Variants in PID1 observed in about 807,000 individuals in gnomAD.
PID1 encodes PTB-containing, cubilin and LRP1-interacting protein.
A neutral mutation model predicts 19.1 loss-of-function variants in PID1; 10 were observed. The observed-to-expected ratio is 0.52, with a 90% CI of 0.32 to 0.89. PID1 has a LOEUF of 0.89. PID1 is among the 40% of genes least tolerant of loss of function. PID1 has a pLI of 0.03. For missense variants in PID1, 248 were observed against 285.3 expected (o/e 0.87, Z 0.94); for synonymous variants, 130 against 116.0 (o/e 1.12, Z -0.78).
At chr2:229,127,787 G>C (rs536070253) in intron 2 of PID1, among the ~76,000 whole-genome samples, 11 of 152,278 alleles carry the variant, frequency 7.2e-5, no homozygotes, top group Admixed American at 5.9e-4. Flanking sequence ...TACAGTTCTA[G>C]ATCACGAAAA....
At chr2:229,209,451 C>T (rs889175261) in intron 1 of PID1, among the ~76,000 whole-genome samples, 1 of 152,180 alleles carries the variant, frequency 6.6e-6, no homozygotes, top group Non-Finnish European at 1.5e-5. Context: ...AGTAGCTGTG[C>T]CTCCTCATGC....
intron 1 of PID1, among the ~76,000 whole-genome samples, chr2:229,187,574 T>C (rs562974934): frequency 6.0e-4 from 92 of 152,160 alleles, no homozygotes; most frequent in South Asian, 1.7e-3. Context: ...CCAGCCACGA[T>C]GATTTAATTA....
intron 1 of PID1, among the ~76,000 whole-genome samples, chr2:229,232,691 T>C (rs1045835300): frequency 6.7e-6 from 1 of 149,592 alleles, no homozygotes; most frequent in Non-Finnish European, 1.5e-5. Flanking sequence ...TATGTATACA[T>C]ACATATATAT....
chr2:229,166,067 C>T (rs1371505451), intron 1 of PID1, among the ~76,000 whole-genome samples: 23 of 152,118 alleles, frequency 1.5e-4, no homozygotes, highest in Admixed American at 1.5e-3. Flanking sequence ...TAGAAACAAC[C>T]TAAATGTTTC....
At chr2:229,240,483 G>C (rs1184756496) in intron 1 of PID1, among the ~76,000 whole-genome samples, 1 of 152,126 alleles carries the variant, frequency 6.6e-6, no homozygotes, top group Non-Finnish European at 1.5e-5. Flanking sequence ...CCTGGATATA[G>C]AGTTCTGGGT....
chr2:229,128,830 TACC>T (rs1245020609), intron 2 of PID1, among the ~76,000 whole-genome samples: 2 of 152,198 alleles, frequency 1.3e-5, no homozygotes, highest in African/African-American at 4.8e-5. Flanking sequence ...CACAATTTGA[TACC>T]ACGACAGGAT....
At chr2:229,172,193 T>C (rs1052492952) in intron 1 of PID1, among the ~76,000 whole-genome samples, 2 of 152,168 alleles carry the variant, frequency 1.3e-5, no homozygotes, top group Non-Finnish European at 2.9e-5. Context: ...TCCAAACATC[T>C]GAAGAAGGAC....
chr2:229,198,396 T>C (rs977197718), intron 1 of PID1, among the ~76,000 whole-genome samples: 16 of 151,992 alleles, frequency 1.1e-4, no homozygotes, highest in African/African-American at 3.6e-4. Context: ...CTGCCCACAC[T>C]CTCTCCTGAT....
chr2:229,188,490 C>A (rs75495453), intron 1 of PID1, among the ~76,000 whole-genome samples: 15,934 of 152,152 alleles, frequency 0.1, 1,081 homozygotes, highest in East Asian at 0.39. Flanking sequence ...GTAATCCCAG[C>A]ACTTTGGGAG....
intron 1 of PID1, chr2:229,231,949 T>G (rs1301156268): frequency 2.6e-5 from 41 of 1,550,358 alleles, no homozygotes; most frequent in Non-Finnish European, 3.6e-5. Context: ...AGGAAGATCA[T>G]GATCAAGGTG....
At chr2:229,255,405 T>A (rs1259830930) in intron 1 of PID1, among the ~76,000 whole-genome samples, 2 of 152,212 alleles carry the variant, frequency 1.3e-5, no homozygotes, top group Non-Finnish European at 2.9e-5. Context: ...GTAAAATGTC[T>A]GCAAAGTGCT....
intron 1 of PID1, among the ~76,000 whole-genome samples, chr2:229,190,056 G>A (rs1416956282): frequency 6.6e-6 from 1 of 152,000 alleles, no homozygotes; most frequent in Non-Finnish European, 1.5e-5. Context: ...ACTGACTCCA[G>A]GCTCAGAGCC....
intron 1 of PID1, among the ~76,000 whole-genome samples, chr2:229,216,013 T>G (rs572799509): frequency 1.3e-5 from 2 of 151,790 alleles, no homozygotes; most frequent in South Asian, 4.2e-4. Flanking sequence ...CCAGGAGGAG[T>G]TCAGCAAAAC....
In PID1 at chr2:229,185,075, T is replaced by TCCTAC. The variant is rs1691096135; in HGVS notation, c.31-29112_31-29111insGTAGG. Among the ~76,000 whole-genome samples, 42 of 144,886 alleles carry TCCTAC rather than the reference T, an allele frequency of 2.9e-4. 1 individual carries two copies. The Admixed American group carries it at 2.9e-3, about 10-fold the overall frequency. ...CATATATATATCCTCCATATATATA[T>TCCTAC]ATCCTACATATATATCCTATATATA... On this transcript the variant is annotated intron_variant, in intron 1 of 2. Transcript: ENST00000392055.
chr2:229,038,121 G>A (rs1693700162), intron 2 of PID1, among the ~76,000 whole-genome samples: 1 of 152,172 alleles, frequency 6.6e-6, no homozygotes, highest in African/African-American at 2.4e-5. Flanking sequence ...AGAGATTCTA[G>A]TAAGCAACCA....
At chr2:229,169,829 A>C (rs1690674752) in intron 1 of PID1, among the ~76,000 whole-genome samples, 1 of 152,234 alleles carries the variant, frequency 6.6e-6, no homozygotes, top group South Asian at 2.1e-4. Context: ...CAGAATATTC[A>C]GAATAGAAGC....
chr2:229,066,586 G>T (rs879561609), intron 2 of PID1, among the ~76,000 whole-genome samples: 5 of 151,910 alleles, frequency 3.3e-5, no homozygotes, highest in Non-Finnish European at 7.4e-5. Context: ...ATGCTGAGTC[G>T]TTTTTACAAA....
At chr2:229,156,583 A>G (rs780545581) in intron 1 of PID1, among the ~76,000 whole-genome samples, 14 of 152,134 alleles carry the variant, frequency 9.2e-5, no homozygotes, top group Non-Finnish European at 1.5e-4. Flanking sequence ...ACTGCTATCC[A>G]TACCACCCAG....
chr2:229,199,956 A>ATCTGT (rs1482895415), intron 1 of PID1, among the ~76,000 whole-genome samples: 1 of 151,932 alleles, frequency 6.6e-6, no homozygotes, highest in Non-Finnish European at 1.5e-5. Context: ...TACTTTTAAT[A>ATCTGT]ATTTTAACAA....
Sources: allele counts gnomAD v4.1 joint callset (sites outside exome capture counted in the v4.1 genomes callset), GRCh38; gene constraint gnomAD v4.1.1; transcripts MANE v1.5; gene names NCBI Gene and HGNC (gene_info 2026-07-23, HGNC 2026-07-21).